The following VAV3 variants were observed in gnomAD, a reference collection of about 807,000 sequenced individuals.
VAV3 encodes guanine nucleotide exchange factor VAV3.
Under a neutral mutation model 131.2 loss-of-function variants are expected in VAV3, and 94 were observed. The ratio of observed to expected loss-of-function variants is 0.72; its 90% CI spans 0.61 to 0.85. The LOEUF (loss-of-function observed/expected upper bound fraction) is 0.85. Among genes scored for constraint, VAV3 ranks in the 40% least tolerant of loss-of-function variants. VAV3 has a pLI of 0.00. For missense variants in VAV3, 939 were observed against 1,002.7 expected (o/e 0.94, Z 0.86); for synonymous variants, 349 against 342.0 (o/e 1.02, Z -0.22).
intron 9 of VAV3, among the ~76,000 whole-genome samples, chr1:107,761,392 C>CAAAAA (rs35391183): frequency 9.8e-6 from 1 of 102,522 alleles, no homozygotes; most frequent in African/African-American, 3.7e-5. Flanking sequence ...GACTCCGTCT[C>CAAAAA]AAAAAAAAAA....
At chr1:107,884,551 T>C (rs1019832878) in intron 1 of VAV3, among the ~76,000 whole-genome samples, 2 of 151,668 alleles carry the variant, frequency 1.3e-5, no homozygotes, top group Admixed American at 1.3e-4. Context: ...GCTCAAGTGA[T>C]CCTCCCACCT....
intron 1 of VAV3, among the ~76,000 whole-genome samples, chr1:107,888,480 T>C (rs533840865): frequency 1.3e-5 from 2 of 152,294 alleles, no homozygotes; most frequent in African/African-American, 2.4e-5. Flanking sequence ...TTGTTGGAGA[T>C]GGACTTTCTC....
Position 107,609,982 on chromosome 1 carries a change from CA to C in VAV3, c.1981-18del, listed in dbSNP as rs775145833. On this transcript the variant is annotated intron_variant, in intron 21 of 26. Coordinates refer to ENST00000370056, the MANE Select transcript of VAV3 (RefSeq NM_006113.5). ...TTTGGGCACCTAGGATATAAAAAAG[CA>C]AAAACAGATTAAGTTTACATAAGGG... 1 of 1,612,204 alleles carries C rather than the reference CA, an allele frequency of 6.2e-7. No homozygotes were observed. Among genetic ancestry groups the C allele is most frequent in the South Asian group, 1.1e-5 (1 of 90,964 alleles).
intron 5 of VAV3, 126 bp from the exon 6 acceptor site, chr1:107,770,854 G>T: frequency 1.5e-6 from 1 of 679,494 alleles, no homozygotes; most frequent in Non-Finnish European, 2.4e-6. Context: ...ATAATTGAAA[G>T]ACATCTAACT....
chr1:107,811,510 C>T (rs963890929), intron 2 of VAV3, among the ~76,000 whole-genome samples: 3 of 152,158 alleles, frequency 2.0e-5, no homozygotes, highest in African/African-American at 7.2e-5. Flanking sequence ...CCAAAACTGG[C>T]TGAAATTATC....
intron 2 of VAV3, among the ~76,000 whole-genome samples, chr1:107,830,759 G>A: frequency 6.6e-6 from 1 of 152,182 alleles, no homozygotes; most frequent in African/African-American, 2.4e-5. Flanking sequence ...GGCAATCACA[G>A]GGTGACAACT....
At chr1:107,942,650 T>C (rs1300265228) in intron 1 of VAV3, among the ~76,000 whole-genome samples, 1 of 152,220 alleles carries the variant, frequency 6.6e-6, no homozygotes, top group Non-Finnish European at 1.5e-5. Context: ...ACTGCTTCTT[T>C]TCTGATCATA....
chr1:107,779,330 G>T, intron 3 of VAV3, 104 bp downstream of exon 3: 1 of 996,728 alleles, frequency 1.0e-6, no homozygotes, highest in Non-Finnish European at 1.4e-6. Flanking sequence ...TCATGAATGA[G>T]ACATAGTACC....
rs113034334 is a variant in VAV3, at chr1:107,933,634, T to G, written c.204+31032A>C. 2.1e-3 allele frequency among the ~76,000 whole-genome samples: 316 copies of G among 151,940 alleles called. 1 individual carries two copies. The highest frequency in any genetic ancestry group is 7.3e-3 in the African/African-American group (301 of 41,458). On this transcript the variant is annotated intron_variant, in intron 1 of 26. Transcript: ENST00000370056. ...TAAGAGACCAGCCTGGGGAATGCACTGAGACCCCATCTCTACAAAAAAATT... is the reference window on the plus strand; with the variant it reads ...TAAGAGACCAGCCTGGGGAATGCACGGAGACCCCATCTCTACAAAAAAATT...
At chr1:107,869,783 T>TTA (rs1309164947) in intron 2 of VAV3, among the ~76,000 whole-genome samples, 6 of 152,188 alleles carry the variant, frequency 3.9e-5, no homozygotes, top group African/African-American at 1.4e-4. Context: ...TTGCAGTCTT[T>TTA]TATCCCTCAC....
chr1:107,844,408 T>A (rs1197018030), intron 2 of VAV3, among the ~76,000 whole-genome samples: 1 of 152,136 alleles, frequency 6.6e-6, no homozygotes, highest in African/African-American at 2.4e-5. Context: ...GGGCAGACAC[T>A]GAGTTAGCTG....
intron 2 of VAV3, among the ~76,000 whole-genome samples, chr1:107,829,247 T>C (rs1668141884): frequency 6.6e-6 from 1 of 152,216 alleles, no homozygotes; most frequent in South Asian, 2.1e-4. Flanking sequence ...AGCACTATTG[T>C]ATTTTAAATC....
intron 2 of VAV3, among the ~76,000 whole-genome samples, chr1:107,866,064 AC>A (rs1160213054): frequency 6.6e-6 from 1 of 152,146 alleles, no homozygotes; most frequent in African/African-American, 2.4e-5. Context: ...CTTGCAGGCA[AC>A]CCACCCTAAA....
chr1:107,907,478 G>A (rs546546784), intron 1 of VAV3, among the ~76,000 whole-genome samples: 12 of 152,230 alleles, frequency 7.9e-5, no homozygotes, highest in African/African-American at 2.6e-4. Context: ...CAAAGTTCAC[G>A]TATTGAGAAC....
intron 1 of VAV3, among the ~76,000 whole-genome samples, chr1:107,888,583 C>T (rs1671152671): frequency 6.6e-6 from 1 of 152,146 alleles, no homozygotes; most frequent in Non-Finnish European, 1.5e-5. Context: ...CTCAGACTCC[C>T]AAGTAGCTGG....
At chr1:107,626,439 G>A (rs568015480) in intron 20 of VAV3, among the ~76,000 whole-genome samples, 1 of 152,184 alleles carries the variant, frequency 6.6e-6, no homozygotes, top group South Asian at 2.1e-4. Flanking sequence ...AGTATTTACA[G>A]GCAAATACCT....
intron 17 of VAV3, among the ~76,000 whole-genome samples, chr1:107,693,832 T>C (rs901265828): frequency 1.3e-5 from 2 of 152,144 alleles, no homozygotes; most frequent in African/African-American, 2.4e-5. Context: ...AGACACCAAA[T>C]AGTCCATGTG....
intron 8 of VAV3, 51 bp downstream of exon 8, chr1:107,766,396 C>T (rs771443099): frequency 2.4e-6 from 3 of 1,229,190 alleles, no homozygotes; most frequent in Non-Finnish European, 3.5e-6. Flanking sequence ...AATACTAATC[C>T]TCACTATAAT....
At chr1:107,700,477 A>C (rs894601900) in intron 17 of VAV3, among the ~76,000 whole-genome samples, 26 of 152,196 alleles carry the variant, frequency 1.7e-4, no homozygotes, top group Non-Finnish European at 3.7e-4. Context: ...TACAGACCCC[A>C]GTGTGTGTTG....
Sources: allele counts gnomAD v4.1 joint callset (sites outside exome capture counted in the v4.1 genomes callset), GRCh38; gene constraint gnomAD v4.1.1; transcripts MANE v1.5; gene names NCBI Gene and HGNC (gene_info 2026-07-23, HGNC 2026-07-21).